FTO: variants seen among roughly 807,000 people sequenced by gnomAD.
FTO encodes alpha-ketoglutarate-dependent dioxygenase FTO.
FTO carries 47 observed loss-of-function variants against 63.9 expected under a neutral mutation model. The ratio of observed to expected loss-of-function variants is 0.74; its 90% CI spans 0.58 to 0.94. The LOEUF is 0.94. FTO is among the 40% of genes least tolerant of loss of function. FTO has a pLI of 0.00. For synonymous variants in FTO, 207 were observed against 224.4 expected, an observed-to-expected ratio of 0.92 and a Z score of 0.69; for missense variants, 562 against 618.1, an observed-to-expected ratio of 0.91 and a Z score of 0.96.
chr16:53,748,331 T>C (rs1314677963), intron 1 of FTO, among the ~76,000 whole-genome samples: 1 of 152,206 alleles, frequency 6.6e-6, no homozygotes, highest in Non-Finnish European at 1.5e-5. Context: ...TCATCTTCAG[T>C]ATCTTTCATT....
At chr16:53,714,456 T>G (rs947881716) in intron 1 of FTO, among the ~76,000 whole-genome samples, 1 of 152,228 alleles carries the variant, frequency 6.6e-6, no homozygotes, top group African/African-American at 2.4e-5. Flanking sequence ...ATTTTCCAGT[T>G]TGCCATTTTT....
intron 1 of FTO, among the ~76,000 whole-genome samples, chr16:53,798,348 A>G (rs1338506713): frequency 6.6e-6 from 1 of 152,144 alleles, no homozygotes; most frequent in Admixed American, 6.5e-5. Context: ...AAAAACCTGC[A>G]GGGATCTTAG....
chr16:53,872,857 T>C (rs554051346), intron 4 of FTO, among the ~76,000 whole-genome samples: 1 of 152,300 alleles, frequency 6.6e-6, no homozygotes, highest in African/African-American at 2.4e-5. Context: ...TACAACTCTC[T>C]TTTTTTGTAA....
chr16:54,104,759 C>T (rs2086711200), intron 8 of FTO, among the ~76,000 whole-genome samples: 1 of 152,184 alleles, frequency 6.6e-6, no homozygotes, highest in African/African-American at 2.4e-5. Context: ...AGAAAAAACA[C>T]TGACTTAAAG....
At chr16:54,033,130 C>T (rs1413799687) in intron 8 of FTO, among the ~76,000 whole-genome samples, 3 of 152,210 alleles carry the variant, frequency 2.0e-5, no homozygotes, top group Non-Finnish European at 4.4e-5. Context: ...TGTTCTCACA[C>T]ACCTATTTAG....
At chr16:54,094,712 C>A (rs930063348) in intron 8 of FTO, among the ~76,000 whole-genome samples, 3 of 152,208 alleles carry the variant, frequency 2.0e-5, no homozygotes, top group Non-Finnish European at 2.9e-5. Context: ...TTACAGCCTT[C>A]CCTCCCTCCC....
chr16:53,721,862 A>G (rs1320113156), intron 1 of FTO, among the ~76,000 whole-genome samples: 1 of 152,128 alleles, frequency 6.6e-6, no homozygotes, highest in Non-Finnish European at 1.5e-5. Context: ...ATTCATTTCA[A>G]TCGGAAAAAG....
At chr16:53,920,070 T>G (rs1027215938) in intron 7 of FTO, among the ~76,000 whole-genome samples, 1 of 152,200 alleles carries the variant, frequency 6.6e-6, no homozygotes, top group Non-Finnish European at 1.5e-5. Flanking sequence ...GTAGATTTAA[T>G]GTGACTCTGA....
intron 8 of FTO, among the ~76,000 whole-genome samples, chr16:53,946,649 T>C (rs1232156887): frequency 6.6e-6 from 1 of 152,186 alleles, no homozygotes; most frequent in Non-Finnish European, 1.5e-5. Context: ...GGAAGGCTTA[T>C]GTAGGGCCTG....
intron 8 of FTO, among the ~76,000 whole-genome samples, chr16:54,074,474 G>A (rs7189417): frequency 0.031 from 4,647 of 151,948 alleles, 214 homozygotes; most frequent in African/African-American, 0.11. Flanking sequence ...AGCAATATTA[G>A]GATCATAATA....
chr16:54,025,722 A>AG (rs1269438026), intron 8 of FTO, among the ~76,000 whole-genome samples: 1 of 149,824 alleles, frequency 6.7e-6, no homozygotes, highest in Admixed American at 6.6e-5. Context: ...CCATCTCAAA[A>AG]AAAAAGGTGG....
intron 8 of FTO, among the ~76,000 whole-genome samples, chr16:53,972,886 A>G (rs1227443403): frequency 2.6e-5 from 4 of 152,188 alleles, no homozygotes; most frequent in African/African-American, 9.7e-5. Flanking sequence ...GTAAAGCCAT[A>G]TGGAGCTGCT....
At chr16:53,823,608 C>A (rs1245079777) in intron 2 of FTO, among the ~76,000 whole-genome samples, 1 of 151,284 alleles carries the variant, frequency 6.6e-6, no homozygotes, top group African/African-American at 2.4e-5. Flanking sequence ...TTCTCTTTTG[C>A]CTCAGTTTTC....
intron 1 of FTO, among the ~76,000 whole-genome samples, chr16:53,790,221 A>G (rs1322283288): frequency 1.3e-5 from 2 of 151,916 alleles, no homozygotes; most frequent in Non-Finnish European, 1.5e-5. Flanking sequence ...ACCACTATCC[A>G]TCTTCAAAAC....
chr16:53,768,975 T>A (rs1332017509), intron 1 of FTO, among the ~76,000 whole-genome samples: 1 of 152,172 alleles, frequency 6.6e-6, no homozygotes, highest in Non-Finnish European at 1.5e-5. Context: ...AAGTACAGAT[T>A]TACTTATTAG....
At chr16:53,949,967 C>T (rs1275798742) in intron 8 of FTO, among the ~76,000 whole-genome samples, 2 of 151,418 alleles carry the variant, frequency 1.3e-5, no homozygotes, top group Non-Finnish European at 2.9e-5. Context: ...CATAGCTGTA[C>T]GTTTATTTAC....
intron 8 of FTO, among the ~76,000 whole-genome samples, chr16:53,944,136 A>T (rs2082602202): frequency 6.6e-6 from 1 of 152,146 alleles, no homozygotes; most frequent in Admixed American, 6.5e-5. Context: ...TTCTGCAAAT[A>T]TTTCTTAAGT....
At chr16:54,082,046 G>C (rs2086160381) in intron 8 of FTO, among the ~76,000 whole-genome samples, 1 of 152,132 alleles carries the variant, frequency 6.6e-6, no homozygotes, top group South Asian at 2.1e-4. Context: ...TTCTCCCTTA[G>C]TTAAACTCTG....
chr16:54,111,674 T>C, intron 8 of FTO, 88 bp from the exon 9 acceptor site: 7 of 1,368,490 alleles, frequency 5.1e-6, no homozygotes, highest in South Asian at 3.5e-5. Context: ...CTTTGGAGCA[T>C]TGGCCAGTGT....
Sources: allele counts gnomAD v4.1 joint callset (sites outside exome capture counted in the v4.1 genomes callset), GRCh38; gene constraint gnomAD v4.1.1; transcripts MANE v1.5; gene names NCBI Gene and HGNC (gene_info 2026-07-23, HGNC 2026-07-21).